Variants in CYBB observed in about 807,000 individuals in gnomAD.
CYBB encodes cytochrome b-245 beta chain, also known as NADPH oxidase 2.
CYBB carries 5 observed loss-of-function variants against 46.5 expected under a neutral mutation model. The ratio of observed to expected loss-of-function variants is 0.11; its 90% CI spans 0.06 to 0.23. The LOEUF is 0.23. Among genes scored for constraint, CYBB ranks in the 10% least tolerant of loss-of-function variants. CYBB has a pLI of 1.00. For synonymous variants in CYBB, 183 were observed against 156.7 expected, an observed-to-expected ratio of 1.17 and a Z score of -1.26; for missense variants, 307 against 428.3, an observed-to-expected ratio of 0.72 and a Z score of 2.50.
At chrX:37,785,369 A>G (rs1929042798) in intron 3 of CYBB, among the ~76,000 whole-genome samples, 2 of 112,648 alleles carry the variant, frequency 1.8e-5, no homozygotes, top group South Asian at 7.2e-4. Flanking sequence ...ACCAAAAACT[A>G]ACAACAGTAC....
In CYBB at chrX:37,805,120, A is replaced by G; in HGVS notation, c.1266A>G (p.Ser422=). 1 of 1,211,404 alleles carries G rather than the reference A, an allele frequency of 8.3e-7. No homozygotes were observed. The highest frequency in any genetic ancestry group is 1.1e-6 in the Non-Finnish European group (1 of 895,229). Residue 422 remains serine (S), a synonymous_variant, in exon 10 of 13, where the codon TCA becomes TCG. Coordinates refer to ENST00000378588, the MANE Select transcript of CYBB (RefSeq NM_000397.4). ...GVTPFASILK[S]VWYKYCNNAT... ...CACCCTTCGCATCCATTCTCAAGTCAGTCTGGTACAAATATTGCAATAACG... is the reference window on the plus strand; with the variant it reads ...CACCCTTCGCATCCATTCTCAAGTCGGTCTGGTACAAATATTGCAATAACG...
chrX:37,793,782 A>G lies in CYBB; in HGVS notation c.455A>G (p.Tyr152Cys), dbSNP rs1569479293. ...CTTGGAGACAGGCAAAATGAAAGTT[A>G]TCTCAATTTTGCTCGAAAGAGAATA... ...SELGDRQNESYLNFARKRIKN... is the reference protein window; with the variant it reads ...SELGDRQNESCLNFARKRIKN... Residue 152 changes from tyrosine to cysteine, a missense_variant, in exon 5 of 13, where the codon TAT (tyrosine) becomes TGT (cysteine). Transcript: ENST00000378588. 2.5e-6 allele frequency: 3 copies of G among 1,206,509 alleles called. No homozygotes were observed. In the African/African-American group the frequency reaches 5.3e-5, roughly 21 times the overall value.
chrX:37,799,139 G>C (rs781962656), intron 7 of CYBB, 55 bp downstream of exon 7: 1 of 1,102,451 alleles, frequency 9.1e-7, no homozygotes, highest in East Asian at 3.0e-5. Flanking sequence ...TCTTTAACCT[G>C]TGTCTAAGAA....
chrX:37,793,821 C>T lies in CYBB; in HGVS notation c.483+11C>T. 8.4e-7 allele frequency: 1 copy of T among 1,193,971 alleles called. No individual in the cohort carries two copies. The highest frequency in any genetic ancestry group is 1.1e-6 in the Non-Finnish European group (1 of 883,565). On this transcript the variant is annotated intron_variant, in intron 5 of 12. Transcript: ENST00000378588. ...CGAAAGAGAATAAAGGTAAGCCTCT[C>T]ATTATCTGACTTAGATATTCTCTAG...
At chrX:37,798,250 T>C (rs1455053509) in intron 6 of CYBB, 1 of 112,259 alleles carries the variant, frequency 8.9e-6, no homozygotes, top group Non-Finnish European at 1.9e-5. Context: ...CCAATAATTG[T>C]CTTATGATTT....
chrX:37,788,352 G>A (rs1929120887), intron 3 of CYBB, among the ~76,000 whole-genome samples: 1 of 111,467 alleles, frequency 9.0e-6, no homozygotes, highest in African/African-American at 3.3e-5. Context: ...TAGACATGGG[G>A]GTAAATTCAT....
chrX:37,787,523 T>C (rs1929096342), intron 3 of CYBB, among the ~76,000 whole-genome samples: 1 of 112,169 alleles, frequency 8.9e-6, no homozygotes, highest in Non-Finnish European at 1.9e-5. Context: ...AATGGTAGTT[T>C]ATTGAAATCG....
chrX:37,797,686 T>C (rs1385650937), intron 6 of CYBB, among the ~76,000 whole-genome samples: 1 of 112,108 alleles, frequency 8.9e-6, no homozygotes, highest in Non-Finnish European at 1.9e-5. Flanking sequence ...TTATACATCA[T>C]GCAAATTGCT....
chrX:37,810,157 C>T (rs1161591844), intron 12 of CYBB, among the ~76,000 whole-genome samples: 1 of 112,036 alleles, frequency 8.9e-6, no homozygotes, highest in Non-Finnish European at 1.9e-5. Context: ...CATTATAAAA[C>T]CTTGAGGGGG....
intron 12 of CYBB, among the ~76,000 whole-genome samples, chrX:37,810,109 T>C (rs782280814): frequency 8.9e-6 from 1 of 112,275 alleles, no homozygotes; most frequent in East Asian, 2.8e-4. Context: ...AGTTGACAGA[T>C]GTCTCAAGGT....
At chrX:37,789,771 A>G (rs1236611155) in intron 3 of CYBB, among the ~76,000 whole-genome samples, 3 of 112,304 alleles carry the variant, frequency 2.7e-5, no homozygotes, top group African/African-American at 9.7e-5. Context: ...GAAAATTTGT[A>G]TTTTACAAGT....
chrX:37,798,993 T>C lies in CYBB; in HGVS notation c.713T>C (p.Val238Ala). Reference protein sequence around the residue: ...VRGQTAESLAVHNITVCEQKI... With the variant: ...VRGQTAESLAAHNITVCEQKI... ...GGGCAGACCGCAGAGAGTTTGGCTG[T>C]GCATAATATAACAGTTTGTGAACAA... Residue 238 changes from valine to alanine, a missense_variant, in exon 7 of 13, where the codon GTG (valine) becomes GCG (alanine). Val to Ala is a moderately conservative substitution (Grantham distance 64). Around this residue, in one of 3 missense-constraint regions of CYBB, gnomAD observed 82 missense variants for 69.9 expected, o/e 1.17. Coordinates refer to ENST00000378588, the MANE Select transcript of CYBB (RefSeq NM_000397.4). 1.7e-6 allele frequency: 2 copies of C among 1,208,163 alleles called. No homozygotes were observed. Among genetic ancestry groups the C allele is most frequent in the Non-Finnish European group, 2.2e-6 (2 of 892,818 alleles).
chrX:37,793,888 C>G, intron 5 of CYBB, 78 bp downstream of exon 5: 1 of 976,574 alleles, frequency 1.0e-6, no homozygotes, highest in Non-Finnish European at 1.4e-6. Context: ...GTGAAGACCT[C>G]TCCTTTGCCA....
intron 12 of CYBB, among the ~76,000 whole-genome samples, chrX:37,810,544 A>C (rs1280301163): frequency 8.9e-6 from 1 of 112,417 alleles, no homozygotes; most frequent in East Asian, 2.8e-4. Flanking sequence ...AGAAGTTTCC[A>C]AAAACCTTGG....
chrX:37,799,707 T>G (rs1201154211), intron 7 of CYBB, among the ~76,000 whole-genome samples: 2 of 111,636 alleles, frequency 1.8e-5, no homozygotes, highest in Non-Finnish European at 3.8e-5. Flanking sequence ...TTGGGAGCTC[T>G]GAAGGGTTCC....
rs192711354 is a variant in CYBB, at chrX:37,802,032, A to C, written c.897+684A>C. Among the ~76,000 whole-genome samples the C allele has an allele frequency of 2.0e-3, 224 of 112,108 alleles. 2 individuals are homozygous for C. In the Middle Eastern group the frequency reaches 0.023, roughly 12 times the overall value. ...AAATGGAACTCCTTGTTATAATTTC[A>C]GGAAACACTAGGAAAGTCTATCTTT... On this transcript the variant is annotated intron_variant, in intron 8 of 12. Coordinates refer to ENST00000378588, the MANE Select transcript of CYBB (RefSeq NM_000397.4).
At chrX:37,785,669 A>G (rs782193884) in intron 3 of CYBB, among the ~76,000 whole-genome samples, 1 of 111,513 alleles carries the variant, frequency 9.0e-6, no homozygotes, top group East Asian at 2.8e-4. Context: ...CTTGACTTCC[A>G]TACATGTGGG....
chrX:37,805,689 A>C (rs942675393), intron 10 of CYBB, among the ~76,000 whole-genome samples: 28 of 111,017 alleles, frequency 2.5e-4, no homozygotes, highest in Admixed American at 2.5e-3. Context: ...AGATTGATTC[A>C]ATTTCCAGCC....
chrX:37,787,441 A>AT lies in CYBB; in HGVS notation c.252+3848dup, dbSNP rs1366271979. Among the ~76,000 whole-genome samples the AT allele has an allele frequency of 2.7e-5, 3 of 111,796 alleles. No homozygotes were observed. In the South Asian group the frequency reaches 1.1e-3, roughly 41 times the overall value. ...GTTCCACTTCCCATTTTCTTGAAAT[A>AT]TTTTTTTCTTACTCAGTTTCAATAG... On this transcript the variant is annotated intron_variant, in intron 3 of 12. Transcript: ENST00000378588.
Sources: gnomAD v4.1 joint callset for allele counts (sites outside exome capture counted in the v4.1 genomes callset) on GRCh38, gnomAD v4.1.1 for gene constraint, gnomAD v4.1.1 regional missense constraint, MANE v1.5 for transcripts, NCBI Gene and HGNC (gene_info 2026-07-23, HGNC 2026-07-21) for gene names.